Variants in VAMP4 observed in about 807,000 individuals in gnomAD.
The protein encoded by VAMP4 is vesicle-associated membrane protein 4.
In VAMP4, 19 loss-of-function variants were observed where a neutral mutation model predicts 23.5. The observed-to-expected ratio is 0.81, with a 90% CI of 0.56 to 1.19. VAMP4 has a LOEUF of 1.19. Among genes scored for constraint, VAMP4 ranks in the 50% most tolerant of loss-of-function variants. The pLI is 0.00. For missense variants in VAMP4, 145 were observed against 168.6 expected (o/e 0.86, Z 0.78); for synonymous variants, 31 against 51.0 (o/e 0.61, Z 1.67).
At chr1:171,724,513 AAG>A (rs1242781782) in intron 3 of VAMP4, among the ~76,000 whole-genome samples, 5 of 152,156 alleles carry the variant, frequency 3.3e-5, no homozygotes, top group African/African-American at 1.2e-4. Context: ...CAATTTGACA[AAG>A]AAAAAAATAC....
In VAMP4 at chr1:171,703,223, C is replaced by T. The variant is rs1039752198; in HGVS notation, c.*1283G>A. 6.6e-6 allele frequency: 1 copy of T among 151,000 alleles called. No homozygotes were observed. The highest frequency in any genetic ancestry group is 2.4e-5 in the African/African-American group (1 of 41,148). The allele number at this position is 151,000 out of a possible 1,614,324, so 9.4% of individuals were successfully genotyped here. A position where few individuals can be genotyped will look rare whatever the true frequency, so the allele number is the denominator to read the frequency against. On this transcript the variant is annotated 3_prime_UTR_variant, in exon 8 of 8. Transcript: ENST00000236192. Reference sequence around the variant, plus strand: ...AATCACTAATTTTATTATAAAGCTTCCTCTCCCCACACCTTAGGGGACAAT... The same window carrying T: ...AATCACTAATTTTATTATAAAGCTTTCTCTCCCCACACCTTAGGGGACAAT...
chr1:171,730,987 G>A (rs1396100196), intron 2 of VAMP4, among the ~76,000 whole-genome samples: 1 of 151,512 alleles, frequency 6.6e-6, no homozygotes, highest in African/African-American at 2.4e-5. Context: ...GGTGGATCAC[G>A]AGGTTAGGAG....
chr1:171,716,603 C>T (rs1047405780), intron 4 of VAMP4, among the ~76,000 whole-genome samples: 3 of 152,186 alleles, frequency 2.0e-5, no homozygotes, highest in Admixed American at 1.3e-4. Flanking sequence ...GTTATCAACA[C>T]TAATAAATGT....
At chr1:171,710,607 C>A in intron 5 of VAMP4, 107 bp downstream of exon 5, 2 of 781,132 alleles carry the variant, frequency 2.6e-6, no homozygotes, top group Admixed American at 2.7e-5. Flanking sequence ...ACTTAAGAAC[C>A]AAATGCCAAT....
intron 3 of VAMP4, among the ~76,000 whole-genome samples, chr1:171,726,358 G>C (rs1655371268): frequency 6.6e-6 from 1 of 152,190 alleles, no homozygotes. Flanking sequence ...CCAAGTCACA[G>C]TATTTTAACA....
intron 2 of VAMP4, among the ~76,000 whole-genome samples, chr1:171,730,338 AC>A (rs1655522362): frequency 6.6e-6 from 1 of 152,278 alleles, no homozygotes; most frequent in Non-Finnish European, 1.5e-5. Flanking sequence ...GATGGATGAT[AC>A]AATCAATGAA....
chr1:171,718,285 T>C (rs1358386094), intron 4 of VAMP4, among the ~76,000 whole-genome samples: 2 of 152,204 alleles, frequency 1.3e-5, no homozygotes, highest in Non-Finnish European at 2.9e-5. Context: ...AATAACTAGA[T>C]ACTTCATTAT....
intron 2 of VAMP4, among the ~76,000 whole-genome samples, chr1:171,732,873 A>G (rs1352678215): frequency 2.0e-5 from 3 of 152,222 alleles, no homozygotes; most frequent in Non-Finnish European, 4.4e-5. Context: ...ACAAGGTTAA[A>G]AAACAAGCAA....
intron 3 of VAMP4, 52 bp downstream of exon 3, chr1:171,728,472 G>A: frequency 1.4e-6 from 2 of 1,397,932 alleles, no homozygotes; most frequent in African/African-American, 1.5e-5. Context: ...TTAGATATAT[G>A]CATGTATTGT....
chr1:171,741,717 C>T (rs1361682523), intron 1 of VAMP4, among the ~76,000 whole-genome samples, 193 bp downstream of exon 1: 3 of 152,138 alleles, frequency 2.0e-5, no homozygotes, highest in Admixed American at 6.5e-5. Context: ...GTCCGCATAC[C>T]CCTGTCCTCG....
chr1:171,729,029 T>C (rs964505507), intron 2 of VAMP4, among the ~76,000 whole-genome samples: 1 of 152,226 alleles, frequency 6.6e-6, no homozygotes, highest in African/African-American at 2.4e-5. Flanking sequence ...CATGTTCTAC[T>C]TTTTAGCTAC....
At chr1:171,707,476 G>C (rs530343814) in intron 6 of VAMP4, among the ~76,000 whole-genome samples, 2 of 151,962 alleles carry the variant, frequency 1.3e-5, no homozygotes, top group Non-Finnish European at 2.9e-5. Context: ...GGCAACTCCT[G>C]ATCTGCGTTC....
chr1:171,728,501 T>C (rs1313775314), intron 3 of VAMP4, 23 bp downstream of exon 3: 9 of 1,508,536 alleles, frequency 6.0e-6, no homozygotes, highest in East Asian at 2.4e-5. Flanking sequence ...TACACCCTAA[T>C]AAAGCTGTAA....
chr1:171,739,831 G>A (rs1447354113), intron 1 of VAMP4, among the ~76,000 whole-genome samples: 1 of 152,174 alleles, frequency 6.6e-6, no homozygotes, highest in Non-Finnish European at 1.5e-5. Flanking sequence ...CTTTGCTACA[G>A]AATGACTCAC....
At chr1:171,735,301 G>C (rs1202548893) in intron 2 of VAMP4, among the ~76,000 whole-genome samples, 1 of 152,124 alleles carries the variant, frequency 6.6e-6, no homozygotes. Flanking sequence ...AATGGGATTT[G>C]CATCAATTAA....
At chr1:171,735,287 A>C (rs1260895159) in intron 2 of VAMP4, among the ~76,000 whole-genome samples, 1 of 152,242 alleles carries the variant, frequency 6.6e-6, no homozygotes. Context: ...AAAACTATAA[A>C]ATTAATGGGA....
At chr1:171,730,527 C>A (rs1455371229) in intron 2 of VAMP4, among the ~76,000 whole-genome samples, 1 of 151,970 alleles carries the variant, frequency 6.6e-6, no homozygotes, top group Non-Finnish European at 1.5e-5. Context: ...GAAAGCATTG[C>A]CAATATGCTC....
At chr1:171,741,614 CTT>C (rs1655926375) in intron 1 of VAMP4, among the ~76,000 whole-genome samples, 1 of 151,982 alleles carries the variant, frequency 6.6e-6, no homozygotes, top group African/African-American at 2.4e-5. Flanking sequence ...ACATCCCACT[CTT>C]AACAAACCTT....
At position 171,703,425 on chromosome 1, in the gene VAMP4, G is replaced by GTATATATATATATATATATA. The variant is rs59222991; in HGVS notation, c.*1061_*1080dup. The GTATATATATATATATATATA allele has an allele frequency of 1.2e-5, 1 of 80,664 alleles. No homozygotes were observed. The highest frequency in any genetic ancestry group is 2.4e-5 in the Non-Finnish European group (1 of 41,930). 5.0% of individuals were successfully genotyped at this position (80,664 alleles called of 1,614,324 possible). A position where few individuals can be genotyped will look rare whatever the true frequency, so the allele number is the denominator to read the frequency against. On this transcript the variant is annotated 3_prime_UTR_variant, in exon 8 of 8. Coordinates refer to ENST00000236192, the MANE Select transcript of VAMP4 (RefSeq NM_003762.5). ...TGTGTGTGTGTGTGTGTGTTTGTGT[G>GTATATATATATATATATATA]TATATATATATATATATATATATAT...
Sources: gnomAD v4.1 joint callset for allele counts (sites outside exome capture counted in the v4.1 genomes callset) on GRCh38, gnomAD v4.1.1 for gene constraint, MANE v1.5 for transcripts, NCBI Gene and HGNC (gene_info 2026-07-23, HGNC 2026-07-21) for gene names.